Variants in ADGRV1 observed in about 807,000 individuals in gnomAD.
ADGRV1 encodes adhesion G protein-coupled receptor V1, also known as G-protein coupled receptor 98.
A neutral mutation model predicts 596.2 loss-of-function variants in ADGRV1; 359 were observed. The observed-to-expected ratio is 0.60, with a 90% CI of 0.55 to 0.66. The LOEUF (loss-of-function observed/expected upper bound fraction) is 0.66. Ranked by LOEUF, ADGRV1 falls within the 30% of genes least tolerant of loss-of-function variation. ADGRV1 has a pLI of 0.00. For synonymous variants in ADGRV1, 2,681 were observed against 2,679.2 expected (o/e 1.00, Z -0.02); for missense variants, 7,274 against 7,575.6 (o/e 0.96, Z 1.48).
At chr5:90,989,291 T>A (rs1780770052) in intron 85 of ADGRV1, among the ~76,000 whole-genome samples, 2 of 152,214 alleles carry the variant, frequency 1.3e-5, no homozygotes, top group Non-Finnish European at 2.9e-5. Flanking sequence ...TTCACACTAT[T>A]TCATATTTAG....
intron 83 of ADGRV1, among the ~76,000 whole-genome samples, chr5:90,906,905 T>G (rs1007455786): frequency 2.6e-5 from 4 of 152,176 alleles, no homozygotes; most frequent in Non-Finnish European, 5.9e-5. Context: ...CATGAATAAC[T>G]TGAGTAATAA....
chr5:90,675,860 TTATC>T (rs1218296092), intron 24 of ADGRV1, among the ~76,000 whole-genome samples: 4 of 151,744 alleles, frequency 2.6e-5, no homozygotes, highest in South Asian at 2.1e-4. Flanking sequence ...ATAATCTACT[TTATC>T]TAATTAATTG....
intron 1 of ADGRV1, among the ~76,000 whole-genome samples, chr5:90,603,034 A>G (rs1761609063): frequency 6.6e-6 from 1 of 152,334 alleles, no homozygotes; most frequent in South Asian, 2.1e-4. Flanking sequence ...ATGAAATACA[A>G]ACTTTTTTTT....
chr5:90,678,863 G>A (rs1744580952), intron 25 of ADGRV1, among the ~76,000 whole-genome samples: 1 of 151,910 alleles, frequency 6.6e-6, no homozygotes. Context: ...GAACTTTGGG[G>A]AACACATTCA....
At chr5:90,651,917 T>C in intron 18 of ADGRV1, among the ~76,000 whole-genome samples, 187 bp downstream of exon 18, 1 of 152,132 alleles carries the variant, frequency 6.6e-6, no homozygotes, top group East Asian at 1.9e-4. Flanking sequence ...AAAAAAATCT[T>C]TTAGCTAGTA....
chr5:90,820,910 C>T (rs1227643875), intron 75 of ADGRV1, among the ~76,000 whole-genome samples: 3 of 151,922 alleles, frequency 2.0e-5, no homozygotes, highest in Non-Finnish European at 4.4e-5. Flanking sequence ...TTGCTCTTCT[C>T]GAGGAGTATC....
At chr5:90,779,623 A>G (rs992260439) in intron 64 of ADGRV1, 2 of 152,312 alleles carry the variant, frequency 1.3e-5, no homozygotes, top group African/African-American at 4.8e-5. Context: ...CATGTTTTCA[A>G]GGAAGATAAT....
intron 86 of ADGRV1, among the ~76,000 whole-genome samples, chr5:91,072,841 T>C (rs1228739068): frequency 6.6e-6 from 1 of 152,198 alleles, no homozygotes; most frequent in Non-Finnish European, 1.5e-5. Flanking sequence ...GATATTGATA[T>C]CCAAGTAAAT....
chr5:90,708,351 G>A (rs1326021514), intron 38 of ADGRV1, among the ~76,000 whole-genome samples: 1 of 151,634 alleles, frequency 6.6e-6, no homozygotes, highest in Non-Finnish European at 1.5e-5. Flanking sequence ...CCCCGTTATA[G>A]AGATAGTAGA....
intron 83 of ADGRV1, among the ~76,000 whole-genome samples, chr5:90,954,393 A>C (rs1478442567): frequency 6.6e-6 from 1 of 152,110 alleles, no homozygotes; most frequent in Non-Finnish European, 1.5e-5. Flanking sequence ...AAAAGACAGA[A>C]CTGGTGAGTT....
At chr5:91,015,039 C>T (rs1783062151) in intron 85 of ADGRV1, among the ~76,000 whole-genome samples, 1 of 152,064 alleles carries the variant, frequency 6.6e-6, no homozygotes, top group South Asian at 2.1e-4. Flanking sequence ...TCCCTCTTAA[C>T]ACTACCTTAC....
At chr5:91,080,487 C>A (rs1270171512) in intron 86 of ADGRV1, among the ~76,000 whole-genome samples, 1 of 146,490 alleles carries the variant, frequency 6.8e-6, no homozygotes, top group Non-Finnish European at 1.5e-5. Flanking sequence ...TTTCAAAACT[C>A]TTCTTGGTAA....
At chr5:90,584,741 C>T (rs1478090312) in intron 1 of ADGRV1, among the ~76,000 whole-genome samples, 1 of 152,146 alleles carries the variant, frequency 6.6e-6, no homozygotes, top group African/African-American at 2.4e-5. Context: ...TGGATGCTGC[C>T]AGTTTTTAAA....
At chr5:91,068,804 C>CA (rs199830652) in intron 85 of ADGRV1, among the ~76,000 whole-genome samples, 3,639 of 147,834 alleles carry the variant, frequency 0.025, 156 homozygotes, top group African/African-American at 0.084. Context: ...TCATATGAAA[C>CA]AAAAAAAAAA....
intron 47 of ADGRV1, 113 bp from the exon 48 acceptor site, chr5:90,725,436 A>G: frequency 1.4e-6 from 1 of 732,284 alleles, no homozygotes; most frequent in Non-Finnish European, 2.3e-6. Context: ...GTAGCTTGGT[A>G]TTAAAATTTT....
chr5:90,604,402 G>A (rs1174647538), intron 1 of ADGRV1, among the ~76,000 whole-genome samples: 1 of 151,928 alleles, frequency 6.6e-6, no homozygotes, highest in African/African-American at 2.4e-5. Context: ...GAAACTCACA[G>A]AAAGTATCCA....
intron 85 of ADGRV1, among the ~76,000 whole-genome samples, chr5:91,062,586 A>G (rs1787535816): frequency 6.6e-6 from 1 of 151,764 alleles, no homozygotes; most frequent in African/African-American, 2.4e-5. Context: ...TAGCACACCC[A>G]CTGCACCCCA....
At chr5:90,912,960 T>A (rs951144876) in intron 83 of ADGRV1, among the ~76,000 whole-genome samples, 6 of 152,178 alleles carry the variant, frequency 3.9e-5, no homozygotes, top group African/African-American at 1.2e-4. Context: ...GGGACTTTGA[T>A]GTTGGGGTTC....
rs1304630417 is a variant in ADGRV1 at position 91,164,226 on chromosome 5, A to G, written c.*326A>G. On this transcript the variant is annotated 3_prime_UTR_variant, in exon 90 of 90. Transcript: ENST00000405460. Reference sequence around the variant, plus strand: ...AAAGCAATAGAATCTATTTGGTATCATCCAGCTTCATTATTGATAAAGAAA... The same window carrying G: ...AAAGCAATAGAATCTATTTGGTATCGTCCAGCTTCATTATTGATAAAGAAA... 2 of 354,486 alleles carry G rather than the reference A, an allele frequency of 5.6e-6. No individual in the cohort carries two copies. The highest frequency in any genetic ancestry group is 2.1e-5 in the African/African-American group (1 of 47,350). 22.0% of individuals were successfully genotyped at this position (354,486 alleles called of 1,614,324 possible).
Sources: allele counts gnomAD v4.1 joint callset (sites outside exome capture counted in the v4.1 genomes callset), GRCh38; gene constraint gnomAD v4.1.1; transcripts MANE v1.5; gene names NCBI Gene and HGNC (gene_info 2026-07-23, HGNC 2026-07-21).